PRIMA1: variants seen among roughly 807,000 people sequenced by gnomAD.
PRIMA1 encodes the protein proline-rich membrane anchor 1.
In PRIMA1, 7 loss-of-function variants were observed where a neutral mutation model predicts 17.5. The ratio of observed to expected loss-of-function variants is 0.40; its 90% CI spans 0.23 to 0.75. The LOEUF (loss-of-function observed/expected upper bound fraction) is 0.75, where lower values mean the gene tolerates loss of function less well. PRIMA1 is among the 30% of genes least tolerant of loss of function. The probability of loss-of-function intolerance (pLI) is 0.37; values close to 1 mark genes in which losing one functional copy is unlikely to be tolerated. For synonymous variants in PRIMA1, 97 were observed against 77.9 expected, an observed-to-expected ratio of 1.25 and a Z score of -1.29; for missense variants, 200 against 201.8, an observed-to-expected ratio of 0.99 and a Z score of 0.05.
chr14:93,722,793 G>A (rs1365502809), intron 4 of PRIMA1, among the ~76,000 whole-genome samples: 3 of 150,566 alleles, frequency 2.0e-5, no homozygotes, highest in Admixed American at 2.0e-4. Context: ...CAGTGGTAAT[G>A]AAGATGGGGT....
intron 4 of PRIMA1, chr14:93,725,868 TAGAG>T (rs1242020413): frequency 6.7e-6 from 3 of 450,900 alleles, no homozygotes; most frequent in African/African-American, 6.0e-5. Context: ...CCGGAAATGC[TAGAG>T]AGAGTTGTTA....
intron 3 of PRIMA1, among the ~76,000 whole-genome samples, chr14:93,743,826 C>A (rs1387080178): frequency 6.6e-6 from 1 of 152,216 alleles, no homozygotes; most frequent in African/African-American, 2.4e-5. Context: ...CTCCCTCCCG[C>A]CCACCAAAGT....
rs959512619 is a variant in PRIMA1, at chr14:93,757,331, C to T, written c.230-19961G>A. On this transcript the variant is annotated intron_variant, in intron 3 of 4. Transcript: ENST00000393140. ...ACCACCACCAGCTCGAGCTCACACT[C>T]CCGCCGATCCGTTCCCTTCGGAGGG... 6.6e-5 allele frequency among the ~76,000 whole-genome samples: 10 copies of T among 152,386 alleles called. 1 individual carries two copies. In the Middle Eastern group the frequency reaches 0.014, roughly 207 times the overall value.
chr14:93,739,408 C>G (rs1257581370), intron 3 of PRIMA1, among the ~76,000 whole-genome samples: 1 of 152,278 alleles, frequency 6.6e-6, no homozygotes, highest in South Asian at 2.1e-4. Flanking sequence ...CCAGTTCTGA[C>G]TATCTTGAAT....
chr14:93,737,183 C>T lies in PRIMA1; in HGVS notation c.359+58G>A, dbSNP rs2076154951. 1.9e-6 allele frequency: 3 copies of T among 1,595,792 alleles called. No individual in the cohort carries two copies. The South Asian group carries it at 3.4e-5, about 18-fold the overall frequency. On this transcript the variant is annotated intron_variant, in intron 4 of 4. Coordinates refer to ENST00000393140, the MANE Select transcript of PRIMA1 (RefSeq NM_178013.4). ...ATGATACGGGATGTGTGTAGGAGCC[C>T]CAAGCCCAGCTGGGGTTCCCTTCGG... is the stretch of plus-strand genomic sequence containing the variant.
Position 93,744,421 on chromosome 14 carries a change from C to T in PRIMA1, c.230-7051G>A, listed in dbSNP as rs548527627. Among the ~76,000 whole-genome samples, 486 of 152,372 alleles carry T rather than the reference C, an allele frequency of 3.2e-3. 4 individuals are homozygous for T. Among genetic ancestry groups the T allele is most frequent in the African/African-American group, 0.011 (475 of 41,586 alleles). Reference sequence around the variant, plus strand: ...GCCCTTGCGGAGGCCGGTGCCAGGGCGTCCACCTCCTATGGCGGCTGGGGG... The same window carrying T: ...GCCCTTGCGGAGGCCGGTGCCAGGGTGTCCACCTCCTATGGCGGCTGGGGG... On this transcript the variant is annotated intron_variant, in intron 3 of 4. Coordinates refer to ENST00000393140, the MANE Select transcript of PRIMA1 (RefSeq NM_178013.4).
At chr14:93,723,219 G>T (rs1212296605) in intron 4 of PRIMA1, among the ~76,000 whole-genome samples, 1 of 152,106 alleles carries the variant, frequency 6.6e-6, no homozygotes. Flanking sequence ...CCCCCTCCAG[G>T]GTTCCCAGGG....
At chr14:93,725,996 T>C (rs2076072900) in intron 4 of PRIMA1, 2 of 456,528 alleles carry the variant, frequency 4.4e-6, no homozygotes, top group South Asian at 1.5e-5. Context: ...GCTCCCTAGA[T>C]GGCATGGTTC....
At chr14:93,733,035 A>G (rs1286640323) in intron 4 of PRIMA1, among the ~76,000 whole-genome samples, 1 of 152,188 alleles carries the variant, frequency 6.6e-6, no homozygotes, top group Non-Finnish European at 1.5e-5. Context: ...AGGCTTGTTT[A>G]CAACAAGCCC....
In PRIMA1 at chr14:93,726,769, CCACA is replaced by C. The variant is rs748006256; in HGVS notation, c.360-5227_360-5224del. Among the ~76,000 whole-genome samples the C allele has an allele frequency of 2.0e-5, 3 of 152,114 alleles. No individual in the cohort carries two copies. In the South Asian group the frequency reaches 6.2e-4, roughly 32 times the overall value. On this transcript the variant is annotated intron_variant, in intron 4 of 4. Transcript: ENST00000393140. This position sits in a 1 kb window ranked among gnomAD's most constrained non-coding sequence, Gnocchi z 4.2. ...GGCACATACGCATAAATGTACAAAT[CCACA>C]CACACAAACAATATACACATACACA... is the stretch of plus-strand genomic sequence containing the variant.
Position 93,780,534 on chromosome 14 carries a change from G to C in PRIMA1, c.94-1223C>G, listed in dbSNP as rs77697075. 1.5e-3 allele frequency among the ~76,000 whole-genome samples: 226 copies of C among 152,314 alleles called. 4 individuals carry two copies. In the East Asian group the frequency reaches 0.036, roughly 24 times the overall value. On this transcript the variant is annotated intron_variant, in intron 2 of 4. Coordinates refer to ENST00000393140, the MANE Select transcript of PRIMA1 (RefSeq NM_178013.4). ...AATCTCAGCTTCCTCATGTGTCAAC[G>C]AGAAGGGTAGCCCGAGTGAGCTGGG...
intron 3 of PRIMA1, among the ~76,000 whole-genome samples, chr14:93,777,463 A>G (rs1445884325): frequency 6.6e-6 from 1 of 151,968 alleles, no homozygotes; most frequent in Non-Finnish European, 1.5e-5. Context: ...CAGCCTCCGG[A>G]GCAGCTGGGA....
chr14:93,753,135 C>A (rs1010223676), intron 3 of PRIMA1, among the ~76,000 whole-genome samples: 2 of 152,118 alleles, frequency 1.3e-5, no homozygotes, highest in Non-Finnish European at 2.9e-5. Context: ...ACAGGCACAG[C>A]CAACAGTGCC....
rs2076039428 is a variant in PRIMA1, at chr14:93,721,627, A to T, written c.360-81T>A. 8.5e-6 allele frequency: 7 copies of T among 821,840 alleles called. No individual in the cohort carries two copies. The South Asian group carries it at 8.8e-5, about 10-fold the overall frequency. The allele number at this position is 821,840 out of a possible 1,614,324, so 50.9% of individuals were successfully genotyped here. The stretch of plus-strand genomic sequence containing the variant: ...TTAGTTATCACTGATGGTGGGGTGT[A>T]ACCTCCAGCTAGCATCCCTGCTCCG... On this transcript the variant is annotated intron_variant, in intron 4 of 4. Transcript: ENST00000393140.
At chr14:93,781,884 G>A (rs944756781) in intron 2 of PRIMA1, among the ~76,000 whole-genome samples, 1 of 152,140 alleles carries the variant, frequency 6.6e-6, no homozygotes, top group Non-Finnish European at 1.5e-5. Flanking sequence ...CTGAGGCAGA[G>A]AATGACTTGA....
intron 3 of PRIMA1, among the ~76,000 whole-genome samples, chr14:93,771,272 G>GC (rs1885059233): frequency 6.6e-6 from 1 of 152,154 alleles, no homozygotes; most frequent in Non-Finnish European, 1.5e-5. Context: ...ATATGAGGCA[G>GC]CCCTGGTCCC....
At chr14:93,770,202 A>G (rs537771822) in intron 3 of PRIMA1, among the ~76,000 whole-genome samples, 4 of 152,072 alleles carry the variant, frequency 2.6e-5, no homozygotes, top group African/African-American at 4.8e-5. Flanking sequence ...GCCCATGGCA[A>G]CAGCCTCCTC....
At position 93,718,691 on chromosome 14, in the gene PRIMA1, T is replaced by C. The variant is rs889516994; in HGVS notation, c.*2753A>G. The C allele has an allele frequency of 6.6e-6, 1 of 152,212 alleles. No homozygotes were observed. Among genetic ancestry groups the C allele is most frequent in the Non-Finnish European group, 1.5e-5 (1 of 67,988 alleles). The allele number at this position is 152,212 out of a possible 1,614,324, so 9.4% of individuals were successfully genotyped here. Reference sequence around the variant, plus strand: ...AATATATATAGCTATATATAATATATATGTTTATATGTTTACACCTATTAG... The same window carrying C: ...AATATATATAGCTATATATAATATACATGTTTATATGTTTACACCTATTAG... On this transcript the variant is annotated 3_prime_UTR_variant, in exon 5 of 5. Transcript: ENST00000393140.
chr14:93,727,133 TCACAGC>T (rs1415989932), intron 4 of PRIMA1, among the ~76,000 whole-genome samples: 1 of 152,146 alleles, frequency 6.6e-6, no homozygotes, highest in Non-Finnish European at 1.5e-5. Context: ...ACAAGCGTCC[TCACAGC>T]CAGTGGGACC....
Sources: gnomAD v4.1 joint callset for allele counts (sites outside exome capture counted in the v4.1 genomes callset) on GRCh38, gnomAD v4.1.1 for gene constraint, Gnocchi (gnomAD v3.1) non-coding constraint, MANE v1.5 for transcripts, NCBI Gene and HGNC (gene_info 2026-07-23, HGNC 2026-07-21) for gene names.